Variants in OVCH1 observed in about 807,000 individuals in gnomAD.
OVCH1 encodes ovochymase-1.
A neutral mutation model predicts 138.4 loss-of-function variants in OVCH1; 139 were observed. That is an observed-to-expected ratio of 1.00 (90% CI 0.87 to 1.16). The LOEUF is 1.16. Ranked by LOEUF, OVCH1 falls within the 50% of genes most tolerant of loss-of-function variation. OVCH1 has a pLI of 0.00. For synonymous variants in OVCH1, 453 were observed against 467.8 expected, an observed-to-expected ratio of 0.97 and a Z score of 0.41; for missense variants, 1,367 against 1,357.9, an observed-to-expected ratio of 1.01 and a Z score of -0.11.
intron 27 of OVCH1, among the ~76,000 whole-genome samples, chr12:29,431,174 C>T (rs189683913): frequency 6.6e-5 from 10 of 152,256 alleles, no homozygotes; most frequent in East Asian, 5.8e-4. Flanking sequence ...TGGTGGTTCA[C>T]GCCTGTAATT....
exon 7 of OVCH1, chr12:29,487,864 G>A: frequency 6.2e-7 from 1 of 1,612,448 alleles, no homozygotes; most frequent in South Asian, 1.1e-5. Context: ...CTACAAACCA[G>A]TGGTCCTCCA....
At chr12:29,417,673 G>A (rs914458564) in intron 3 of OVCH1, among the ~76,000 whole-genome samples, 8 of 151,904 alleles carry the variant, frequency 5.3e-5, no homozygotes, top group Admixed American at 2.0e-4. Flanking sequence ...AATGCATAAA[G>A]CAAGATAAGG....
chr12:29,476,806 C>G (rs950265406), intron 12 of OVCH1, among the ~76,000 whole-genome samples: 5 of 37,518 alleles, frequency 1.3e-4, no homozygotes, highest in East Asian at 1.1e-3. Flanking sequence ...CACACACACA[C>G]AGGTTAGTAA....
At chr12:29,484,011 T>C (rs1439701727) in intron 8 of OVCH1, among the ~76,000 whole-genome samples, 1 of 152,230 alleles carries the variant, frequency 6.6e-6, no homozygotes, top group African/African-American at 2.4e-5. Context: ...TTTGTCTAGC[T>C]CTTTCTACCA....
At chr12:29,419,588 C>T (rs1385978027) in intron 3 of OVCH1, among the ~76,000 whole-genome samples, 1 of 152,070 alleles carries the variant, frequency 6.6e-6, no homozygotes, top group Non-Finnish European at 1.5e-5. Flanking sequence ...GCCACTGCGC[C>T]TGGCCAACGA....
intron 3 of OVCH1, 93 bp from the exon 4 acceptor site, chr12:29,495,550 C>G: frequency 1.8e-6 from 2 of 1,104,356 alleles, no homozygotes; most frequent in South Asian, 3.0e-5. Flanking sequence ...ATTAATGTAT[C>G]TTTAAGCATC....
chr12:29,442,921 AAAC>A (rs554388605), intron 25 of OVCH1, among the ~76,000 whole-genome samples: 122 of 152,190 alleles, frequency 8.0e-4, no homozygotes, highest in African/African-American at 2.9e-3. Context: ...AATTAAATAA[AAAC>A]AACGATTTGT....
rs189932907 is a variant in OVCH1, at chr12:29,436,462, A to G, written c.3265-2649T>C. Reference sequence around the variant, plus strand: ...CTCATTTGTTTTAAAAAGGCCAAATATTATATTTTTTATGTATTTGTCTAT... The same window carrying G: ...CTCATTTGTTTTAAAAAGGCCAAATGTTATATTTTTTATGTATTTGTCTAT... On this transcript the variant is annotated intron_variant, in intron 26 of 27. Coordinates refer to ENST00000318184, the Ensembl canonical transcript of OVCH1. Among the ~76,000 whole-genome samples, 14 of 152,316 alleles carry G rather than the reference A, an allele frequency of 9.2e-5. No individual in the cohort carries two copies. In the East Asian group the frequency reaches 2.5e-3, roughly 27 times the overall value.
chr12:29,435,281 G>C (rs1484265396), intron 26 of OVCH1, among the ~76,000 whole-genome samples: 1 of 151,996 alleles, frequency 6.6e-6, no homozygotes, highest in Non-Finnish European at 1.5e-5. Context: ...CTTGAGCCCA[G>C]GAGTTCAAGG....
chr12:29,454,775 G>A, intron 21 of OVCH1, 66 bp downstream of exon 21: 1 of 1,402,036 alleles, frequency 7.1e-7, no homozygotes, highest in Non-Finnish European at 9.9e-7. Context: ...AGCAAAGCTA[G>A]ACAGACAATG....
intron 3 of OVCH1, among the ~76,000 whole-genome samples, chr12:29,495,671 A>C (rs375158369): frequency 7.2e-5 from 11 of 152,100 alleles, no homozygotes; most frequent in African/African-American, 9.7e-5. Flanking sequence ...TTTCTGAGTC[A>C]AGTATTTAAA....
At chr12:29,447,145 C>T (rs1565576332) in intron 22 of OVCH1, among the ~76,000 whole-genome samples, 1 of 151,700 alleles carries the variant, frequency 6.6e-6, no homozygotes. Flanking sequence ...AATTTAAAAA[C>T]TGGACAAAAG....
At chr12:29,446,974 G>A (rs893929561) in intron 22 of OVCH1, among the ~76,000 whole-genome samples, 3 of 151,466 alleles carry the variant, frequency 2.0e-5, no homozygotes, top group Non-Finnish European at 4.4e-5. Context: ...CAACACAAAA[G>A]CAAATGACAA....
chr12:29,410,265 T>G (rs1412016944), downstream of OVCH1, among the ~76,000 whole-genome samples: 2 of 145,670 alleles, frequency 1.4e-5, no homozygotes, highest in East Asian at 4.0e-4. Context: ...CTTTATCCAA[T>G]TTGCCAGTCT....
At chr12:29,452,635 CCTGT>C (rs1462775721) in intron 21 of OVCH1, among the ~76,000 whole-genome samples, 2 of 152,180 alleles carry the variant, frequency 1.3e-5, no homozygotes, top group East Asian at 1.9e-4. Flanking sequence ...CTGGCCTCAG[CCTGT>C]CTTTCTAATC....
intron 26 of OVCH1, chr12:29,439,235 T>A: frequency 8.3e-7 from 1 of 1,208,742 alleles, no homozygotes; most frequent in East Asian, 2.9e-5. Flanking sequence ...CTCAAAGTCC[T>A]TTTCCTTTAT....
At position 29,473,060 on chromosome 12, in the gene OVCH1, AT is replaced by A. The variant is rs748251589; in HGVS notation, c.1643del (p.Asn548IlefsTer6). On this transcript the variant is annotated frameshift_variant, in exon 15 of 28. Transcript: ENST00000318184. LOFTEE classifies it high-confidence loss of function. ...GAATAGCTTTTACGGTAGATACAGG[AT>A]TGTTTTGGGGAGGTAACTTTGGTTC... 1 of 1,611,324 alleles carries A rather than the reference AT, an allele frequency of 6.2e-7. No individual in the cohort carries two copies. Among genetic ancestry groups the A allele is most frequent in the Admixed American group, 1.7e-5 (1 of 59,762 alleles).
chr12:29,430,650 C>A (rs1408794012), intron 27 of OVCH1, among the ~76,000 whole-genome samples: 2 of 152,226 alleles, frequency 1.3e-5, no homozygotes, highest in African/African-American at 4.8e-5. Context: ...GCTTGTCTCA[C>A]TTCCACCATG....
At chr12:29,471,977 A>T in exon 16 of OVCH1, 1 of 1,609,020 alleles carries the variant, frequency 6.2e-7, no homozygotes, top group Non-Finnish European at 8.5e-7. Context: ...GGGATGCCAC[A>T]GACATCTACA....
Sources: gnomAD v4.1 joint callset for allele counts (sites outside exome capture counted in the v4.1 genomes callset) on GRCh38, gnomAD v4.1.1 for gene constraint, MANE v1.5 for transcripts, NCBI Gene and HGNC (gene_info 2026-07-23, HGNC 2026-07-21) for gene names.